NAT1: variants seen among roughly 807,000 people sequenced by gnomAD.
NAT1 encodes arylamine N-acetyltransferase 1.
For synonymous variants in NAT1, 144 were observed against 122.6 expected, an observed-to-expected ratio of 1.17 and a Z score of -1.16; for missense variants, 400 against 339.2, an observed-to-expected ratio of 1.18 and a Z score of -1.41.
At chr8:18,193,301 C>T (rs1411297785) in intron 2 of NAT1, among the ~76,000 whole-genome samples, 2 of 149,102 alleles carry the variant, frequency 1.3e-5, no homozygotes, top group Non-Finnish European at 3.0e-5. Context: ...AGCTGGTCTC[C>T]AACTCCTGGG....
chr8:18,207,563 G>A (rs1803778555), upstream of NAT1, among the ~76,000 whole-genome samples: 1 of 152,134 alleles, frequency 6.6e-6, no homozygotes, highest in Non-Finnish European at 1.5e-5. Flanking sequence ...AAACCACAGT[G>A]AGATACCATC....
chr8:18,203,527 T>C (rs756866875), intron 2 of NAT1, among the ~76,000 whole-genome samples: 1 of 152,192 alleles, frequency 6.6e-6, no homozygotes, highest in Non-Finnish European at 1.5e-5. Flanking sequence ...ATGTTATGTC[T>C]TGGAGCCATT....
intron 2 of NAT1, among the ~76,000 whole-genome samples, chr8:18,202,830 G>A (rs992035443): frequency 6.6e-6 from 1 of 152,134 alleles, no homozygotes; most frequent in Non-Finnish European, 1.5e-5. Context: ...GCGTGGAAGG[G>A]GACCCCAGCA....
At chr8:18,171,118 A>C (rs1408137277) in intron 2 of NAT1, among the ~76,000 whole-genome samples, 1 of 152,110 alleles carries the variant, frequency 6.6e-6, no homozygotes, top group East Asian at 1.9e-4. Context: ...TCATGACAGA[A>C]ACAGGACCCA....
chr8:18,191,298 T>C lies in NAT1; in HGVS notation n.93-18483T>C, dbSNP rs962647475. Among the ~76,000 whole-genome samples, 9 of 152,208 alleles carry C rather than the reference T, an allele frequency of 5.9e-5. No homozygotes were observed. In the East Asian group the frequency reaches 7.7e-4, roughly 13 times the overall value. On this transcript the variant is annotated intron_variant and non_coding_transcript_variant, in intron 2 of 4. Transcript: ENST00000517441. The stretch of plus-strand genomic sequence containing the variant: ...CAACAAAATAATAGGTTTTATAGAC[T>C]GCCTTTGATTTTCACTTAGTGGTGT...
rs576764056 is a variant in NAT1 at position 18,202,728 on chromosome 8, G to A, written n.93-7053G>A. 6.0e-3 allele frequency among the ~76,000 whole-genome samples: 906 copies of A among 152,250 alleles called. 12 individuals are homozygous for A. The highest frequency in any genetic ancestry group is 0.021 in the African/African-American group (856 of 41,534). On this transcript the variant is annotated intron_variant and non_coding_transcript_variant, in intron 2 of 4. Transcript: ENST00000517441. ...CAGGAATGAAGCGGCAGACCCTGGCGGTGAGTGTTACAGCTTACAAAGGTA... is the reference window on the plus strand; with the variant it reads ...CAGGAATGAAGCGGCAGACCCTGGCAGTGAGTGTTACAGCTTACAAAGGTA...
intron 1 of NAT1, among the ~76,000 whole-genome samples, chr8:18,218,036 A>G (rs1016157818): frequency 6.6e-6 from 1 of 152,146 alleles, no homozygotes; most frequent in Non-Finnish European, 1.5e-5. Flanking sequence ...GGGAGGAGAC[A>G]TCCTTGAGCA....
At chr8:18,197,355 C>T (rs1017123167) in intron 2 of NAT1, among the ~76,000 whole-genome samples, 4 of 152,200 alleles carry the variant, frequency 2.6e-5, no homozygotes, top group Admixed American at 2.0e-4. Flanking sequence ...ATCATACAGC[C>T]ATCGGGGGAT....
intron 2 of NAT1, among the ~76,000 whole-genome samples, chr8:18,221,578 G>C (rs1327737012): frequency 6.6e-6 from 1 of 152,172 alleles, no homozygotes; most frequent in African/African-American, 2.4e-5. Context: ...CAATGGATGA[G>C]TGAATCAATA....
At chr8:18,172,791 A>T (rs778482620) in intron 2 of NAT1, among the ~76,000 whole-genome samples, 41 of 152,170 alleles carry the variant, frequency 2.7e-4, no homozygotes, top group Non-Finnish European at 4.4e-4. Flanking sequence ...TTTAATACAT[A>T]TTTGAGACAT....
At chr8:18,172,548 C>T (rs1802137597) in intron 2 of NAT1, among the ~76,000 whole-genome samples, 2 of 152,168 alleles carry the variant, frequency 1.3e-5, no homozygotes, top group African/African-American at 4.8e-5. Flanking sequence ...CTGGCCTGTG[C>T]CCATGCTGTT....
chr8:18,177,481 A>C (rs1802335508), intron 2 of NAT1, among the ~76,000 whole-genome samples: 2 of 152,122 alleles, frequency 1.3e-5, no homozygotes, highest in African/African-American at 2.4e-5. Flanking sequence ...TATTTTTATA[A>C]GTCCTGAATT....
At chr8:18,215,016 T>C (rs1439801102) in intron 1 of NAT1, among the ~76,000 whole-genome samples, 2 of 152,232 alleles carry the variant, frequency 1.3e-5, no homozygotes, top group Non-Finnish European at 2.9e-5. Flanking sequence ...AAAGACATGA[T>C]CTTGTTCTTT....
At chr8:18,211,232 C>T (rs894892752) in intron 1 of NAT1, 4 of 152,286 alleles carry the variant, frequency 2.6e-5, no homozygotes, top group African/African-American at 9.7e-5. Context: ...TTGCAGAATT[C>T]CACAGAAGAG....
chr8:18,198,134 G>T (rs1341727875), intron 2 of NAT1, among the ~76,000 whole-genome samples: 1 of 148,678 alleles, frequency 6.7e-6, no homozygotes, highest in Non-Finnish European at 1.5e-5. Context: ...TCCTTGAATT[G>T]AAATTAACAG....
At chr8:18,204,794 T>C (rs1408581828) in intron 2 of NAT1, among the ~76,000 whole-genome samples, 2 of 152,168 alleles carry the variant, frequency 1.3e-5, no homozygotes, top group African/African-American at 2.4e-5. Flanking sequence ...AAAAGTAAGA[T>C]GTAATTTTGG....
chr8:18,213,910 T>C (rs28359498), intron 1 of NAT1, among the ~76,000 whole-genome samples: 3,824 of 151,698 alleles, frequency 0.025, 142 homozygotes, highest in African/African-American at 0.087. Context: ...GCTTCCTGGG[T>C]TCACGCCATT....
At chr8:18,221,572 G>A (rs1210933823) in intron 2 of NAT1, among the ~76,000 whole-genome samples, 1 of 152,128 alleles carries the variant, frequency 6.6e-6, no homozygotes, top group Non-Finnish European at 1.5e-5. Flanking sequence ...ATCAATCAAT[G>A]GATGAGTGAA....
rs1432156438 is a variant in NAT1 at position 18,222,998 on chromosome 8, G to A, written c.*78G>A. 2 of 1,192,844 alleles carry A rather than the reference G, an allele frequency of 1.7e-6. No individual in the cohort carries two copies. Among genetic ancestry groups the A allele is most frequent in the Non-Finnish European group, 2.2e-6 (2 of 898,090 alleles). 73.9% of individuals were successfully genotyped at this position (1,192,844 alleles called of 1,614,324 possible). ...ACTGACGACCTATCATGTATCTTCT[G>A]TACCCTTACCTTATTTTGAAGAAAA... On this transcript the variant is annotated 3_prime_UTR_variant, in exon 3 of 3. Coordinates refer to ENST00000307719, the MANE Select transcript of NAT1 (RefSeq NM_000662.8).
Sources: gnomAD v4.1 joint callset for allele counts (sites outside exome capture counted in the v4.1 genomes callset) on GRCh38, gnomAD v4.1.1 for gene constraint, MANE v1.5 for transcripts, NCBI Gene and HGNC (gene_info 2026-07-23, HGNC 2026-07-21) for gene names.